The following INPP5A variants were observed in gnomAD, a reference collection of about 807,000 sequenced individuals.
The protein encoded by INPP5A is inositol polyphosphate-5-phosphatase A.
A neutral mutation model predicts 65.2 loss-of-function variants in INPP5A; 14 were observed. That is an observed-to-expected ratio of 0.21 (90% CI 0.14 to 0.34). The LOEUF is 0.34. Ranked by LOEUF, INPP5A falls within the 10% of genes least tolerant of loss-of-function variation. INPP5A has a pLI of 1.00. For synonymous variants in INPP5A, 207 were observed against 208.3 expected, an observed-to-expected ratio of 0.99 and a Z score of 0.05; for missense variants, 431 against 545.6, an observed-to-expected ratio of 0.79 and a Z score of 2.09.
chr10:132,621,634 T>C (rs1020477205), intron 2 of INPP5A, among the ~76,000 whole-genome samples: 9 of 152,206 alleles, frequency 5.9e-5, no homozygotes, highest in African/African-American at 1.7e-4. Context: ...TAATCACTTA[T>C]GCCTTAGTCT....
intron 2 of INPP5A, among the ~76,000 whole-genome samples, chr10:132,632,613 AC>A (rs1439903781): frequency 6.6e-5 from 10 of 152,106 alleles, no homozygotes; most frequent in African/African-American, 2.2e-4. Context: ...CCACCACTGC[AC>A]CCCGCCCAGA....
intron 4 of INPP5A, among the ~76,000 whole-genome samples, chr10:132,652,672 T>C (rs373172457): frequency 2.2e-3 from 330 of 152,300 alleles, no homozygotes; most frequent in South Asian, 9.3e-3. Flanking sequence ...GCTCAGCTCT[T>C]TCCAGCTTCC....
At chr10:132,724,147 TA>T (rs1845943307) in intron 8 of INPP5A, among the ~76,000 whole-genome samples, 4 of 152,126 alleles carry the variant, frequency 2.6e-5, no homozygotes, top group Non-Finnish European at 5.9e-5. Context: ...TTGTACTAAT[TA>T]AAAGCATGCA....
chr10:132,656,181 A>G (rs888026669), intron 4 of INPP5A, among the ~76,000 whole-genome samples: 2 of 152,224 alleles, frequency 1.3e-5, no homozygotes, highest in Non-Finnish European at 2.9e-5. Context: ...GCAAGAGGAA[A>G]GACCCTCTCT....
At chr10:132,598,421 T>C (rs2071735224) in intron 1 of INPP5A, among the ~76,000 whole-genome samples, 1 of 152,250 alleles carries the variant, frequency 6.6e-6, no homozygotes, top group South Asian at 2.1e-4. Context: ...CCAGTTCCTT[T>C]GTCACCAACA....
At chr10:132,757,099 A>G (rs1428070089) in intron 11 of INPP5A, among the ~76,000 whole-genome samples, 1 of 152,238 alleles carries the variant, frequency 6.6e-6, no homozygotes, top group South Asian at 2.1e-4. Context: ...TTATAAAGTA[A>G]AAAAGTTACA....
intron 9 of INPP5A, among the ~76,000 whole-genome samples, chr10:132,746,910 C>T (rs1391808309): frequency 1.3e-5 from 2 of 152,228 alleles, no homozygotes; most frequent in Non-Finnish European, 2.9e-5. Flanking sequence ...CCCCTTCAGC[C>T]TGGCCTGATC....
intron 1 of INPP5A, among the ~76,000 whole-genome samples, chr10:132,572,810 C>G (rs926545303): frequency 3.3e-5 from 5 of 152,180 alleles, no homozygotes; most frequent in Non-Finnish European, 4.4e-5. Context: ...TGCAGCGTGC[C>G]TTGGAGTGTT....
At chr10:132,581,316 G>A (rs999714397) in intron 1 of INPP5A, among the ~76,000 whole-genome samples, 4 of 152,130 alleles carry the variant, frequency 2.6e-5, no homozygotes, top group African/African-American at 9.7e-5. Flanking sequence ...TACAATGATA[G>A]CATGTTTTAA....
intron 2 of INPP5A, 108 bp from the exon 3 acceptor site, chr10:132,645,759 TG>T: frequency 2.5e-6 from 2 of 805,170 alleles, no homozygotes; most frequent in Admixed American, 4.3e-5. Context: ...GCCCCGTCTC[TG>T]CCAGACCCTG....
intron 9 of INPP5A, among the ~76,000 whole-genome samples, chr10:132,743,854 G>C (rs1380240037): frequency 6.6e-6 from 1 of 152,252 alleles, no homozygotes; most frequent in African/African-American, 2.4e-5. Context: ...CCGGGGCTCA[G>C]ACAGGCAGGC....
chr10:132,740,219 T>C (rs772014158), intron 9 of INPP5A, among the ~76,000 whole-genome samples: 3 of 152,222 alleles, frequency 2.0e-5, no homozygotes, highest in African/African-American at 7.2e-5. Context: ...GAATTATCTC[T>C]GCCTGTTTGC....
chr10:132,700,647 C>T (rs1434232997), intron 6 of INPP5A, among the ~76,000 whole-genome samples: 3 of 152,174 alleles, frequency 2.0e-5, no homozygotes, highest in Non-Finnish European at 4.4e-5. Context: ...CTGGCCGGGC[C>T]CGCCCCTCCC....
intron 4 of INPP5A, among the ~76,000 whole-genome samples, chr10:132,668,127 C>A (rs536157869): frequency 6.6e-6 from 1 of 152,264 alleles, no homozygotes; most frequent in East Asian, 1.9e-4. Flanking sequence ...TGGAGTCTGC[C>A]GGCCTTGCAG....
chr10:132,648,221 C>T (rs535661312), intron 3 of INPP5A, among the ~76,000 whole-genome samples: 8 of 152,372 alleles, frequency 5.3e-5, no homozygotes, highest in East Asian at 3.9e-4. Context: ...GCACGGAGGA[C>T]GCCGCCCTCA....
chr10:132,657,146 C>T (rs1482266502), intron 4 of INPP5A, among the ~76,000 whole-genome samples: 2 of 152,246 alleles, frequency 1.3e-5, no homozygotes, highest in East Asian at 3.8e-4. Context: ...CGCCTGCTCA[C>T]TCAAGGCTCT....
chr10:132,576,351 T>C (rs1025713391), intron 1 of INPP5A, among the ~76,000 whole-genome samples: 2 of 152,234 alleles, frequency 1.3e-5, no homozygotes, highest in African/African-American at 4.8e-5. Context: ...GAATGCGGGC[T>C]TGGACAGGTG....
At chr10:132,780,014 T>C (rs902361484) in intron 13 of INPP5A, among the ~76,000 whole-genome samples, 2 of 152,274 alleles carry the variant, frequency 1.3e-5, no homozygotes, top group African/African-American at 2.4e-5. Flanking sequence ...GTTTCTCCAC[T>C]TCTGCGGAGG....
In INPP5A at chr10:132,551,783, G is replaced by A. The variant is rs1416623935; in HGVS notation, c.75+13612G>A. ...AGGGAACAGAGGCAGGACCCAGGGGGACAGAGGCAGGACTGACCAAGACTG... is the reference window on the plus strand; with the variant it reads ...AGGGAACAGAGGCAGGACCCAGGGGAACAGAGGCAGGACTGACCAAGACTG... On this transcript the variant is annotated intron_variant, in intron 1 of 15. Transcript: ENST00000368594. The surrounding 1 kb of genome is among the most constrained non-coding windows in gnomAD (Gnocchi z 5.3). 1.3e-5 allele frequency among the ~76,000 whole-genome samples: 2 copies of A among 152,188 alleles called. No individual in the cohort carries two copies. Among genetic ancestry groups the A allele is most frequent in the Admixed American group, 6.5e-5 (1 of 15,288 alleles).
Sources: gnomAD v4.1 joint callset for allele counts (sites outside exome capture counted in the v4.1 genomes callset) on GRCh38, gnomAD v4.1.1 for gene constraint, Gnocchi (gnomAD v3.1) non-coding constraint, MANE v1.5 for transcripts, NCBI Gene and HGNC (gene_info 2026-07-23, HGNC 2026-07-21) for gene names.